The following DOCK3 variants were observed in gnomAD, a reference collection of about 807,000 sequenced individuals.
DOCK3 encodes the protein dedicator of cytokinesis protein 3.
A neutral mutation model predicts 265.6 loss-of-function variants in DOCK3; 60 were observed. That is an observed-to-expected ratio of 0.23 (90% confidence interval 0.18 to 0.28). The LOEUF is 0.28. Ranked by LOEUF, DOCK3 falls within the 10% of genes least tolerant of loss-of-function variation. DOCK3 has a pLI of 1.00. For synonymous variants in DOCK3, 881 were observed against 938.0 expected, an observed-to-expected ratio of 0.94 and a Z score of 1.11; for missense variants, 1,981 against 2,594.3, an observed-to-expected ratio of 0.76 and a Z score of 5.14.
At chr3:51,277,482 G>A (rs2108956197) in intron 25 of DOCK3, 126 bp from the exon 26 acceptor site, 2 of 1,269,864 alleles carry the variant, frequency 1.6e-6, no homozygotes, top group East Asian at 5.9e-5. Flanking sequence ...GCATGTTGGT[G>A]AGACTGAGAG....
At chr3:50,880,083 T>G (rs974763965) in intron 3 of DOCK3, among the ~76,000 whole-genome samples, 5 of 152,070 alleles carry the variant, frequency 3.3e-5, no homozygotes, top group African/African-American at 1.2e-4. Flanking sequence ...TTGAAACCAA[T>G]GAGAACAAAG....
chr3:50,869,261 G>T (rs1431604694), intron 3 of DOCK3, among the ~76,000 whole-genome samples: 1 of 149,226 alleles, frequency 6.7e-6, no homozygotes, highest in African/African-American at 2.5e-5. Flanking sequence ...GGCGTGAGCC[G>T]CTGCGCCCAG....
intron 5 of DOCK3, among the ~76,000 whole-genome samples, chr3:51,053,127 T>A (rs1444440077): frequency 1.6e-5 from 1 of 60,906 alleles, no homozygotes; most frequent in African/African-American, 5.5e-5. Context: ...ATATATGGAT[T>A]TTAAGTTATA....
chr3:51,264,829 A>T (rs369123134), intron 23 of DOCK3, among the ~76,000 whole-genome samples: 13 of 142,160 alleles, frequency 9.1e-5, no homozygotes, highest in Admixed American at 9.1e-4. Context: ...TCAGTCTCAA[A>T]AAATAAATAA....
intron 4 of DOCK3, among the ~76,000 whole-genome samples, chr3:50,928,232 A>C (rs2050872798): frequency 6.6e-6 from 1 of 151,706 alleles, no homozygotes; most frequent in Non-Finnish European, 1.5e-5. Context: ...TGCAGCCATC[A>C]TCACAATTCA....
In DOCK3 at chr3:50,675,341, G is replaced by C. The variant is rs766526655; in HGVS notation, c.37+41G>C. 8.3e-7 allele frequency: 1 copy of C among 1,211,028 alleles called. No homozygotes were observed. The highest frequency in any genetic ancestry group is 3.5e-5 in the South Asian group (1 of 28,172). 75.0% of individuals were successfully genotyped at this position (1,211,028 alleles called of 1,614,324 possible). A position where few individuals can be genotyped will look rare whatever the true frequency, so the allele number is the denominator to read the frequency against. ...GCCTGGCCGTGGCGGGGGTTCTGGG[G>C]GACGCGCCCAGCTCCCGGCCCCGCC... On this transcript the variant is annotated intron_variant, in intron 1 of 52. Coordinates refer to ENST00000266037, the MANE Select transcript of DOCK3 (RefSeq NM_004947.5). This position sits in a 1 kb window ranked among gnomAD's most constrained non-coding sequence, Gnocchi z 6.1.
intron 4 of DOCK3, among the ~76,000 whole-genome samples, chr3:50,921,510 G>A (rs912085078): frequency 6.6e-6 from 1 of 152,116 alleles, no homozygotes; most frequent in South Asian, 2.1e-4. Flanking sequence ...CCTTTAGCTC[G>A]AAGAAGTTTG....
At chr3:50,980,403 T>C (rs2077645978) in intron 5 of DOCK3, among the ~76,000 whole-genome samples, 1 of 152,200 alleles carries the variant, frequency 6.6e-6, no homozygotes, top group Non-Finnish European at 1.5e-5. Flanking sequence ...ATCAGGGATA[T>C]TGTCCTGTAG....
intron 5 of DOCK3, among the ~76,000 whole-genome samples, chr3:51,031,775 G>A (rs141493318): frequency 4.8e-4 from 73 of 152,246 alleles, no homozygotes; most frequent in African/African-American, 1.7e-3. Context: ...ACTAGGCCAC[G>A]AGGGCTCTGC....
intron 5 of DOCK3, among the ~76,000 whole-genome samples, chr3:51,010,420 A>G (rs902925270): frequency 1.1e-4 from 16 of 152,148 alleles, no homozygotes; most frequent in African/African-American, 3.6e-4. Context: ...AGTCTGTTTT[A>G]TCAGAGACTA....
At position 51,362,140 on chromosome 3, in the gene DOCK3, A is replaced by C. The variant is rs144642821; in HGVS notation, c.5145+143A>C. ...CAGAACACCCCTCACCAGAGCTAGA[A>C]AGCTGCCGTTCCTCCACACACCATC... is the stretch of plus-strand genomic sequence containing the variant. On this transcript the variant is annotated intron_variant, in intron 48 of 52. Coordinates refer to ENST00000266037, the MANE Select transcript of DOCK3 (RefSeq NM_004947.5). 9,470 of 1,113,118 alleles carry C rather than the reference A, an allele frequency of 8.5e-3. 64 individuals carry two copies. Among genetic ancestry groups the C allele is most frequent in the Non-Finnish European group, 0.01 (8,451 of 805,100 alleles). 69.0% of individuals were successfully genotyped at this position (1,113,118 alleles called of 1,614,324 possible). A position where few individuals can be genotyped will look rare whatever the true frequency, so the allele number is the denominator to read the frequency against.
chr3:50,721,160 T>G (rs905156288), intron 1 of DOCK3, among the ~76,000 whole-genome samples: 1 of 152,194 alleles, frequency 6.6e-6, no homozygotes, highest in Non-Finnish European at 1.5e-5. Context: ...TTGTTTATTC[T>G]GTTGATAGTT....
intron 27 of DOCK3, among the ~76,000 whole-genome samples, chr3:51,302,696 A>G (rs2082423039): frequency 6.6e-6 from 1 of 152,186 alleles, no homozygotes; most frequent in Admixed American, 6.5e-5. Context: ...TTGGCCAGAT[A>G]TGAAACTCTG....
At chr3:50,938,960 T>C (rs917954487) in intron 5 of DOCK3, among the ~76,000 whole-genome samples, 1 of 150,112 alleles carries the variant, frequency 6.7e-6, no homozygotes, top group Non-Finnish European at 1.5e-5. Context: ...ATTAATGAAA[T>C]TTAAAAAATA....
intron 1 of DOCK3, among the ~76,000 whole-genome samples, chr3:50,750,480 C>G (rs2039726530): frequency 6.6e-6 from 1 of 151,992 alleles, no homozygotes; most frequent in Non-Finnish European, 1.5e-5. Context: ...CAGGCGCCTG[C>G]CACCACGCCC....
intron 32 of DOCK3, among the ~76,000 whole-genome samples, chr3:51,325,840 C>T (rs2084068862): frequency 6.6e-6 from 1 of 152,122 alleles, no homozygotes. Flanking sequence ...CATGTTCTCA[C>T]TCATAAGTGG....
chr3:51,282,672 AAAG>A (rs1228462066), intron 27 of DOCK3, among the ~76,000 whole-genome samples: 3 of 74,842 alleles, frequency 4.0e-5, no homozygotes, highest in Non-Finnish European at 6.4e-5. Context: ...AAAAAAAAGA[AAAG>A]AAAAGAAAAA....
intron 5 of DOCK3, among the ~76,000 whole-genome samples, chr3:51,048,899 A>G (rs1440770460): frequency 4.6e-5 from 7 of 152,010 alleles, no homozygotes; most frequent in East Asian, 1.9e-4. Flanking sequence ...CATTAATACA[A>G]TGGAAAATAA....
intron 2 of DOCK3, among the ~76,000 whole-genome samples, chr3:50,786,250 C>CT (rs1165375270): frequency 1.3e-5 from 2 of 151,630 alleles, no homozygotes; most frequent in East Asian, 3.9e-4. Context: ...TTCTTTTTTT[C>CT]TTTAATCAGC....
Sources: allele counts gnomAD v4.1 joint callset (sites outside exome capture counted in the v4.1 genomes callset), GRCh38; gene constraint gnomAD v4.1.1; non-coding constraint Gnocchi (gnomAD v3.1); transcripts MANE v1.5; gene names NCBI Gene and HGNC (gene_info 2026-07-23, HGNC 2026-07-21).